Variants in TRAPPC9 observed in about 807,000 individuals in gnomAD.
The protein encoded by TRAPPC9 is IKK2 binding protein.
Under a neutral mutation model 124.0 loss-of-function variants are expected in TRAPPC9, and 83 were observed. That is an observed-to-expected ratio of 0.67 (90% CI 0.56 to 0.80). TRAPPC9 has a LOEUF of 0.80. Ranked by LOEUF, TRAPPC9 falls within the 30% of genes least tolerant of loss-of-function variation. The pLI is 0.00. For missense variants in TRAPPC9, 1,302 were observed against 1,508.3 expected, an observed-to-expected ratio of 0.86 and a Z score of 2.27; for synonymous variants, 638 against 617.5, an observed-to-expected ratio of 1.03 and a Z score of -0.49.
At chr8:140,301,686 A>T (rs959856956) in intron 10 of TRAPPC9, among the ~76,000 whole-genome samples, 1 of 151,894 alleles carries the variant, frequency 6.6e-6, no homozygotes, top group East Asian at 1.9e-4. Context: ...CGTGCTCCCC[A>T]CCCCCCGCCT....
At chr8:140,071,959 T>C (rs1399179034) in intron 17 of TRAPPC9, among the ~76,000 whole-genome samples, 3 of 152,160 alleles carry the variant, frequency 2.0e-5, no homozygotes, top group Admixed American at 6.5e-5. Context: ...ACAAAATCAA[T>C]GATTAAAATC....
At chr8:139,932,277 G>A (rs1468733257) in intron 19 of TRAPPC9, 6 of 456,884 alleles carry the variant, frequency 1.3e-5, no homozygotes, top group Non-Finnish European at 1.8e-5. Context: ...CTCGCTCAGG[G>A]TAGCCACCAT....
intron 9 of TRAPPC9, among the ~76,000 whole-genome samples, chr8:140,347,008 G>A (rs2067368291): frequency 1.3e-5 from 2 of 152,174 alleles, no homozygotes; most frequent in Non-Finnish European, 2.9e-5. Flanking sequence ...CGGGGCCCAG[G>A]GCAGGACACA....
chr8:140,176,431 T>C (rs2062072935), intron 17 of TRAPPC9, among the ~76,000 whole-genome samples: 1 of 152,240 alleles, frequency 6.6e-6, no homozygotes, highest in African/African-American at 2.4e-5. Flanking sequence ...TCTGCATTCT[T>C]TCGTGTCTTG....
In TRAPPC9 at chr8:139,762,441, G is replaced by A. The variant is rs80134260; in HGVS notation, c.3056-30239C>T. 4.0e-3 allele frequency among the ~76,000 whole-genome samples: 610 copies of A among 152,270 alleles called. 8 individuals are homozygous for A. The highest frequency in any genetic ancestry group is 0.014 in the African/African-American group (598 of 41,560). The stretch of plus-strand genomic sequence containing the variant: ...TCACAGAGGGCACTCACACGAGCCT[G>A]GAGGTCAAGCCTCTACACACCGAGG... On this transcript the variant is annotated intron_variant, in intron 21 of 22. Transcript: ENST00000438773.
intron 17 of TRAPPC9, among the ~76,000 whole-genome samples, chr8:140,103,636 T>C (rs2060618320): frequency 6.6e-6 from 1 of 152,180 alleles, no homozygotes; most frequent in Non-Finnish European, 1.5e-5. Flanking sequence ...GTGCCTAGAA[T>C]CTAATAAGTA....
At chr8:139,818,032 A>C (rs143172945) in intron 21 of TRAPPC9, among the ~76,000 whole-genome samples, 1 of 152,360 alleles carries the variant, frequency 6.6e-6, no homozygotes, top group Admixed American at 6.5e-5. Context: ...AATTGGGCAT[A>C]CACTGTTTAT....
chr8:140,438,244 T>C lies in TRAPPC9; in HGVS notation c.730+808A>G, dbSNP rs568948085. Reference sequence around the variant, plus strand: ...GCCTATTCTAGCCACTTCATATATATAGAATCATACAATCTGCGGCCTTTT... The same window carrying C: ...GCCTATTCTAGCCACTTCATATATACAGAATCATACAATCTGCGGCCTTTT... On this transcript the variant is annotated intron_variant, in intron 3 of 22. Coordinates refer to ENST00000438773, the MANE Select transcript of TRAPPC9 (RefSeq NM_001160372.4). Among the ~76,000 whole-genome samples the C allele has an allele frequency of 5.3e-5, 8 of 152,296 alleles. No homozygotes were observed. The South Asian group carries it at 1.2e-3, about 24-fold the overall frequency.
chr8:140,451,784 C>T (rs2071470763), intron 1 of TRAPPC9, among the ~76,000 whole-genome samples: 1 of 152,140 alleles, frequency 6.6e-6, no homozygotes, highest in Admixed American at 6.6e-5. Context: ...ATTTGAATTC[C>T]GGGCTCCCTG....
chr8:139,896,901 A>G (rs745420025), intron 20 of TRAPPC9, among the ~76,000 whole-genome samples: 10 of 152,188 alleles, frequency 6.6e-5, no homozygotes, highest in Non-Finnish European at 1.2e-4. Flanking sequence ...AAGTTTCCAA[A>G]TCGTCAACAG....
chr8:140,034,314 C>A lies in TRAPPC9; in HGVS notation c.2557-10235G>T, dbSNP rs561769446. Among the ~76,000 whole-genome samples the A allele has an allele frequency of 8.8e-4, 134 of 152,178 alleles. 1 individual carries two copies. The highest frequency in any genetic ancestry group is 1.0e-3 in the Non-Finnish European group (69 of 68,030). On this transcript the variant is annotated intron_variant, in intron 17 of 22. Transcript: ENST00000438773. The stretch of plus-strand genomic sequence containing the variant: ...TAAACACTTTTTCCATACTTCATAA[C>A]CTGGCTTTACAAAGATTTCCCTCAC...
chr8:140,264,485 G>A (rs1223995332), intron 15 of TRAPPC9, among the ~76,000 whole-genome samples: 2 of 150,828 alleles, frequency 1.3e-5, no homozygotes, highest in Admixed American at 1.3e-4. Flanking sequence ...TTCACCCGGG[G>A]AATTGTTACA....
intron 2 of TRAPPC9, among the ~76,000 whole-genome samples, chr8:140,448,755 GACAGCAGTGTGCGCTATT>G (rs533904073): frequency 4.7e-4 from 71 of 152,348 alleles, no homozygotes; most frequent in African/African-American, 1.7e-3. Context: ...CTGCTGGCTG[GACAGCAGTGTGCGCTATT>G]CACGAGGCAC....
At chr8:139,886,239 T>C (rs1351869721) in intron 20 of TRAPPC9, among the ~76,000 whole-genome samples, 1 of 152,190 alleles carries the variant, frequency 6.6e-6, no homozygotes, top group Non-Finnish European at 1.5e-5. Flanking sequence ...CTGGGATAAT[T>C]TTAATCCAAC....
intron 16 of TRAPPC9, among the ~76,000 whole-genome samples, chr8:140,231,261 A>T (rs7005540): frequency 2.0e-5 from 3 of 151,880 alleles, no homozygotes; most frequent in South Asian, 2.1e-4. Context: ...CAGTGATGCA[A>T]GGACACTCCC....
chr8:140,271,213 C>T (rs530492363), intron 15 of TRAPPC9, among the ~76,000 whole-genome samples: 1 of 152,190 alleles, frequency 6.6e-6, no homozygotes, highest in Non-Finnish European at 1.5e-5. Flanking sequence ...GCCAGAGAAG[C>T]ACTTTCTACC....
chr8:140,038,917 C>T (rs1432950958), intron 17 of TRAPPC9, among the ~76,000 whole-genome samples: 1 of 152,180 alleles, frequency 6.6e-6, no homozygotes, highest in East Asian at 1.9e-4. Flanking sequence ...GACAGAACAC[C>T]CAGCATTTCA....
At chr8:140,291,365 G>C (rs1437408253) in intron 11 of TRAPPC9, 4 of 484,986 alleles carry the variant, frequency 8.2e-6, no homozygotes, top group Admixed American at 3.3e-5. Flanking sequence ...TCTTGGTACA[G>C]AGCCATAAGG....
At chr8:140,060,104 T>A (rs535957698) in intron 17 of TRAPPC9, among the ~76,000 whole-genome samples, 1 of 152,326 alleles carries the variant, frequency 6.6e-6, no homozygotes, top group African/African-American at 2.4e-5. Context: ...GGTCTCCTTT[T>A]GATTGGCAGT....
Sources: gnomAD v4.1 joint callset for allele counts (sites outside exome capture counted in the v4.1 genomes callset) on GRCh38, gnomAD v4.1.1 for gene constraint, MANE v1.5 for transcripts, NCBI Gene and HGNC (gene_info 2026-07-23, HGNC 2026-07-21) for gene names.